Variants in SYN2 observed in about 807,000 individuals in gnomAD.
SYN2 encodes synapsin II.
In SYN2, 19 loss-of-function variants were observed where a neutral mutation model predicts 50.9. That is an observed-to-expected ratio of 0.37 (90% CI 0.26 to 0.55). SYN2 has a LOEUF of 0.55. Ranked by LOEUF, SYN2 falls within the 20% of genes least tolerant of loss-of-function variation. The pLI is 0.81. For synonymous variants in SYN2, 255 were observed against 224.9 expected (o/e 1.13, Z -1.20); for missense variants, 587 against 576.4 (o/e 1.02, Z -0.19).
chr3:12,150,702 C>G (rs1697264039), intron 4 of SYN2, among the ~76,000 whole-genome samples: 1 of 152,184 alleles, frequency 6.6e-6, no homozygotes. Context: ...TTCTAATCTT[C>G]CTGAAGAACA....
intron 11 of SYN2, chr3:12,184,671 T>A: frequency 1.0e-6 from 1 of 985,926 alleles, no homozygotes; most frequent in Non-Finnish European, 1.2e-6. Context: ...GGACAGAGGC[T>A]CCACAGCGGT....
At chr3:12,032,482 A>C (rs1385583591) in intron 1 of SYN2, among the ~76,000 whole-genome samples, 1 of 71,546 alleles carries the variant, frequency 1.4e-5, no homozygotes, top group African/African-American at 5.8e-5. Context: ...GTGTTTTCCA[A>C]CTTGGTTCCA....
chr3:12,035,243 C>T (rs1272065799), intron 1 of SYN2, among the ~76,000 whole-genome samples: 1 of 152,220 alleles, frequency 6.6e-6, no homozygotes, highest in Non-Finnish European at 1.5e-5. Flanking sequence ...GCCCACAAGG[C>T]CTCAAGCAGC....
At chr3:12,179,369 T>C (rs1458444167) in intron 10 of SYN2, among the ~76,000 whole-genome samples, 1 of 49,194 alleles carries the variant, frequency 2.0e-5, no homozygotes, top group African/African-American at 8.0e-5. Flanking sequence ...CCGGAAGAAC[T>C]GAAAGAAAAA....
chr3:12,065,179 A>C (rs576547659), intron 1 of SYN2, among the ~76,000 whole-genome samples: 1 of 152,190 alleles, frequency 6.6e-6, no homozygotes, highest in Non-Finnish European at 1.5e-5. Flanking sequence ...CAGAATGGCT[A>C]TTAAGAAAAG....
intron 1 of SYN2, among the ~76,000 whole-genome samples, chr3:12,011,348 A>G (rs1693908010): frequency 6.6e-6 from 1 of 152,204 alleles, no homozygotes; most frequent in South Asian, 2.1e-4. Context: ...AAAGGAGAGG[A>G]TGATCTAGAA....
At chr3:12,018,949 T>C (rs1694074871) in intron 1 of SYN2, among the ~76,000 whole-genome samples, 3 of 152,170 alleles carry the variant, frequency 2.0e-5, no homozygotes, top group Non-Finnish European at 2.9e-5. Flanking sequence ...GGAAATAGGT[T>C]TTCTCAAGTA....
chr3:12,060,524 G>A (rs1302992618), intron 1 of SYN2, among the ~76,000 whole-genome samples: 2 of 152,158 alleles, frequency 1.3e-5, no homozygotes, highest in African/African-American at 2.4e-5. Flanking sequence ...AGATTTAATC[G>A]TAAGATAGCA....
At chr3:12,164,524 A>G (rs1697732280) in intron 7 of SYN2, among the ~76,000 whole-genome samples, 1 of 152,146 alleles carries the variant, frequency 6.6e-6, no homozygotes, top group African/African-American at 2.4e-5. Flanking sequence ...GCAGTAGCCA[A>G]GATTAGGCTT....
At chr3:12,116,330 G>C (rs1225797932) in intron 1 of SYN2, among the ~76,000 whole-genome samples, 1 of 152,230 alleles carries the variant, frequency 6.6e-6, no homozygotes, top group Non-Finnish European at 1.5e-5. Flanking sequence ...GTTGGAAGAA[G>C]AGGGGAAGAT....
At chr3:12,149,145 CA>C (rs1301077252) in intron 4 of SYN2, among the ~76,000 whole-genome samples, 3 of 152,200 alleles carry the variant, frequency 2.0e-5, no homozygotes, top group Admixed American at 1.3e-4. Flanking sequence ...GAGTCTGCCA[CA>C]GGCTGTCCTG....
At chr3:12,147,482 G>T (rs1559439349) in intron 4 of SYN2, among the ~76,000 whole-genome samples, 1 of 152,140 alleles carries the variant, frequency 6.6e-6, no homozygotes, top group African/African-American at 2.4e-5. Context: ...CTAACAGAGT[G>T]TGATTTTAGT....
intron 1 of SYN2, among the ~76,000 whole-genome samples, chr3:12,050,452 T>G (rs1214704236): frequency 2.6e-5 from 4 of 151,536 alleles, no homozygotes; most frequent in Non-Finnish European, 5.9e-5. Context: ...TTCAAGTGAT[T>G]CTTCTGCCTC....
intron 1 of SYN2, among the ~76,000 whole-genome samples, chr3:12,131,738 T>C (rs1354888259): frequency 2.0e-5 from 3 of 152,018 alleles, no homozygotes; most frequent in African/African-American, 7.2e-5. Flanking sequence ...CTTCAGAAAA[T>C]CTATTCAGAA....
At chr3:12,010,092 C>T (rs1693885270) in intron 1 of SYN2, among the ~76,000 whole-genome samples, 1 of 152,050 alleles carries the variant, frequency 6.6e-6, no homozygotes, top group Non-Finnish European at 1.5e-5. Flanking sequence ...AAGACTCCAT[C>T]TCCAAAAAAA....
rs17036056 is a variant in SYN2 at position 12,185,296 on chromosome 3, C to T, written c.1369+1924C>T. On this transcript the variant is annotated intron_variant, in intron 11 of 12. Coordinates refer to ENST00000621198, the MANE Select transcript of SYN2 (RefSeq NM_133625.6). Reference sequence around the variant, plus strand: ...TATTTTTGTCCAAGCGATGAGCTGACGGTGGTATTGCTTCTCTGCATGTTA... The same window carrying T: ...TATTTTTGTCCAAGCGATGAGCTGATGGTGGTATTGCTTCTCTGCATGTTA... 9.8e-3 allele frequency: 9,699 copies of T among 985,574 alleles called. 674 individuals are homozygous for T. The African/African-American group carries it at 0.15, about 15-fold the overall frequency. The allele number at this position is 985,574 out of a possible 1,614,324, so 61.1% of individuals were successfully genotyped here. A position where few individuals can be genotyped will look rare whatever the true frequency, so the allele number is the denominator to read the frequency against.
chr3:12,128,370 T>G (rs962873103), intron 1 of SYN2, among the ~76,000 whole-genome samples: 1 of 152,168 alleles, frequency 6.6e-6, no homozygotes, highest in Admixed American at 6.5e-5. Context: ...CTTCTTCAAT[T>G]TGGAGGAGAG....
chr3:12,004,769 C>T lies in SYN2; in HGVS notation c.218C>T (p.Ala73Val). The T allele has an allele frequency of 2.7e-6, 1 of 364,052 alleles. No homozygotes were observed. Among genetic ancestry groups the T allele is most frequent in the Non-Finnish European group, 4.9e-6 (1 of 204,634 alleles). The allele number at this position is 364,052 out of a possible 1,614,324, so 22.6% of individuals were successfully genotyped here. The stretch of plus-strand genomic sequence containing the variant: ...GCCTCGGCGCCCGCGCCGCAGCCCG[C>T]GCCGACGCCGTCGGTGGGCAGCAGC... ...PPASAPAPQP[A>V]PTPSVGSSFF... The change falls in exon 1 of 13, where the codon GCG (alanine) becomes GTG (valine). Residue 73 changes from alanine (A) to valine (V), a missense_variant. Transcript: ENST00000621198.
intron 1 of SYN2, among the ~76,000 whole-genome samples, chr3:12,135,717 G>C (rs1225762439): frequency 6.6e-6 from 1 of 152,168 alleles, no homozygotes; most frequent in Non-Finnish European, 1.5e-5. Flanking sequence ...GTGAGAAGAA[G>C]ATGGCAGGGC....
Sources: allele counts gnomAD v4.1 joint callset (sites outside exome capture counted in the v4.1 genomes callset), GRCh38; gene constraint gnomAD v4.1.1; transcripts MANE v1.5; gene names NCBI Gene and HGNC (gene_info 2026-07-23, HGNC 2026-07-21).